Variants in TRPC4 observed in about 807,000 individuals in gnomAD.
The protein encoded by TRPC4 is short transient receptor potential channel 4.
A neutral mutation model predicts 99.4 loss-of-function variants in TRPC4; 49 were observed. The observed-to-expected ratio is 0.49, with a 90% CI of 0.39 to 0.63. The LOEUF is 0.63. TRPC4 is among the 20% of genes least tolerant of loss of function. TRPC4 has a pLI of 0.00. For synonymous variants in TRPC4, 454 were observed against 425.9 expected, an observed-to-expected ratio of 1.07 and a Z score of -0.81; for missense variants, 898 against 1,152.9, an observed-to-expected ratio of 0.78 and a Z score of 3.20.
intron 1 of TRPC4, among the ~76,000 whole-genome samples, chr13:37,796,333 T>C (rs1034712027): frequency 1.3e-5 from 2 of 152,206 alleles, no homozygotes; most frequent in African/African-American, 4.8e-5. Context: ...CTATTATTAG[T>C]GTCCCATGCA....
chr13:37,676,898 A>G (rs1953074701), intron 4 of TRPC4, among the ~76,000 whole-genome samples: 1 of 151,092 alleles, frequency 6.6e-6, no homozygotes. Context: ...TTTAAAAATG[A>G]AGATTTATGT....
At chr13:37,687,163 C>T (rs1197321029) in intron 4 of TRPC4, among the ~76,000 whole-genome samples, 2 of 152,110 alleles carry the variant, frequency 1.3e-5, no homozygotes, top group African/African-American at 4.8e-5. Context: ...CAGGGTTTCA[C>T]TATGTTGGCC....
At chr13:37,670,964 T>C (rs904770479) in intron 5 of TRPC4, among the ~76,000 whole-genome samples, 7 of 152,204 alleles carry the variant, frequency 4.6e-5, no homozygotes, top group African/African-American at 1.7e-4. Context: ...CCTTCTCTCA[T>C]GTTACAGTAG....
At chr13:37,853,400 G>T (rs1959106181) in intron 1 of TRPC4, among the ~76,000 whole-genome samples, 1 of 152,152 alleles carries the variant, frequency 6.6e-6, no homozygotes. Context: ...GTGATATTGG[G>T]CTTGCGGCCC....
chr13:37,684,477 A>G (rs1953386913), intron 4 of TRPC4, among the ~76,000 whole-genome samples: 1 of 152,120 alleles, frequency 6.6e-6, no homozygotes, highest in Non-Finnish European at 1.5e-5. Flanking sequence ...TTACTTAAAA[A>G]TCAAGTGAGA....
chr13:37,699,164 TATCTC>T (rs779663006), intron 3 of TRPC4, among the ~76,000 whole-genome samples: 10 of 152,182 alleles, frequency 6.6e-5, no homozygotes, highest in Non-Finnish European at 1.5e-5. Flanking sequence ...TAGAAATACT[TATCTC>T]ATAGGGTTAT....
At chr13:37,784,007 C>G (rs561071318) in intron 1 of TRPC4, among the ~76,000 whole-genome samples, 1 of 152,046 alleles carries the variant, frequency 6.6e-6, no homozygotes, top group South Asian at 2.1e-4. Flanking sequence ...TGTGCCCTGC[C>G]CTCTATACTT....
At chr13:37,817,312 C>T (rs1957884954) in intron 1 of TRPC4, among the ~76,000 whole-genome samples, 1 of 151,948 alleles carries the variant, frequency 6.6e-6, no homozygotes, top group Non-Finnish European at 1.5e-5. Context: ...ATATAGCTAA[C>T]CATGGAGGTG....
At chr13:37,851,856 TA>T (rs1266630575) in intron 1 of TRPC4, among the ~76,000 whole-genome samples, 9 of 152,156 alleles carry the variant, frequency 5.9e-5, no homozygotes, top group Non-Finnish European at 1.2e-4. Flanking sequence ...AGGTGGACAT[TA>T]CTTTGAACTC....
intron 1 of TRPC4, among the ~76,000 whole-genome samples, chr13:37,829,347 G>A (rs985582044): frequency 3.9e-5 from 6 of 152,148 alleles, no homozygotes; most frequent in Non-Finnish European, 4.4e-5. Flanking sequence ...TGGCTATTAA[G>A]CACATGCAAA....
At chr13:37,650,531 G>A (rs1952005717) in intron 8 of TRPC4, among the ~76,000 whole-genome samples, 1 of 151,870 alleles carries the variant, frequency 6.6e-6, no homozygotes, top group Non-Finnish European at 1.5e-5. Context: ...TTTACCAGGA[G>A]CATGGCTCTG....
intron 6 of TRPC4, among the ~76,000 whole-genome samples, chr13:37,656,917 C>T (rs1008047326): frequency 1.3e-5 from 2 of 152,146 alleles, no homozygotes; most frequent in African/African-American, 4.8e-5. Flanking sequence ...CTAGGTTCTG[C>T]CCTTGCAAAG....
chr13:37,652,158 T>G (rs1241780983), intron 7 of TRPC4, among the ~76,000 whole-genome samples: 1 of 152,242 alleles, frequency 6.6e-6, no homozygotes, highest in Non-Finnish European at 1.5e-5. Context: ...CTTTGGTACA[T>G]TTGTGGCAAT....
At chr13:37,680,883 A>T (rs1953213506) in intron 4 of TRPC4, among the ~76,000 whole-genome samples, 1 of 152,228 alleles carries the variant, frequency 6.6e-6, no homozygotes, top group Admixed American at 6.5e-5. Context: ...GTATCATGAA[A>T]TAAAATATAT....
At chr13:37,700,023 T>C (rs532407744) in intron 3 of TRPC4, among the ~76,000 whole-genome samples, 2 of 152,052 alleles carry the variant, frequency 1.3e-5, no homozygotes, top group African/African-American at 2.4e-5. Flanking sequence ...CCAATTTAGG[T>C]GGTAGGAAGG....
At chr13:37,712,068 T>C (rs1171367209) in intron 3 of TRPC4, among the ~76,000 whole-genome samples, 1 of 152,128 alleles carries the variant, frequency 6.6e-6, no homozygotes, top group Non-Finnish European at 1.5e-5. Flanking sequence ...ATGCCTCATG[T>C]GGCTAGTGGC....
At chr13:37,794,380 A>C (rs924749448) in intron 1 of TRPC4, among the ~76,000 whole-genome samples, 1 of 152,170 alleles carries the variant, frequency 6.6e-6, no homozygotes, top group African/African-American at 2.4e-5. Context: ...GAAAGCTAAC[A>C]TCAAGACTAG....
At chr13:37,768,652 A>G (rs1482735379) in intron 2 of TRPC4, among the ~76,000 whole-genome samples, 6 of 132,842 alleles carry the variant, frequency 4.5e-5, no homozygotes, top group African/African-American at 1.5e-4. Context: ...ATGTGCAAAT[A>G]CACACATACG....
At chr13:37,755,368 C>T (rs1956070580) in intron 2 of TRPC4, among the ~76,000 whole-genome samples, 2 of 151,962 alleles carry the variant, frequency 1.3e-5, no homozygotes, top group South Asian at 4.1e-4. Context: ...ACAATCCTCT[C>T]CCTCAGCCTC....
Sources: gnomAD v4.1 joint callset for allele counts (sites outside exome capture counted in the v4.1 genomes callset) on GRCh38, gnomAD v4.1.1 for gene constraint, MANE v1.5 for transcripts, NCBI Gene and HGNC (gene_info 2026-07-23, HGNC 2026-07-21) for gene names.